GDAP1: variants seen among roughly 807,000 people sequenced by gnomAD.
GDAP1 encodes the protein ganglioside-induced differentiation-associated protein 1.
GDAP1 carries 34 observed loss-of-function variants against 40.1 expected under a neutral mutation model. That is an observed-to-expected ratio of 0.85 (90% CI 0.64 to 1.13). The LOEUF is 1.13. Ranked by LOEUF, GDAP1 falls within the 50% of genes most tolerant of loss-of-function variation. The pLI, the probability that GDAP1 is intolerant of heterozygous loss-of-function variation, is 0.00. For missense variants in GDAP1, 374 were observed against 433.7 expected (o/e 0.86, Z 1.22); for synonymous variants, 170 against 157.4 (o/e 1.08, Z -0.60).
At chr8:74,488,239 A>C (rs1458373029) in intron 2 of GDAP1, among the ~76,000 whole-genome samples, 1 of 152,154 alleles carries the variant, frequency 6.6e-6, no homozygotes, top group Non-Finnish European at 1.5e-5. Context: ...TAACAATCAG[A>C]ATATATTTTA....
intron 2 of GDAP1, among the ~76,000 whole-genome samples, chr8:74,372,339 A>G (rs955472701): frequency 1.3e-5 from 2 of 152,196 alleles, no homozygotes; most frequent in African/African-American, 4.8e-5. Flanking sequence ...TTGAGGAATC[A>G]CCACACTGTC....
intron 2 of GDAP1, among the ~76,000 whole-genome samples, chr8:74,389,036 A>G (rs1810068715): frequency 6.6e-6 from 1 of 152,004 alleles, no homozygotes; most frequent in Admixed American, 6.6e-5. Context: ...TGCTTGGTAA[A>G]TATTCCTCCA....
intron 2 of GDAP1, among the ~76,000 whole-genome samples, chr8:74,441,853 A>G (rs1430472367): frequency 1.3e-5 from 2 of 152,140 alleles, no homozygotes; most frequent in Non-Finnish European, 2.9e-5. Flanking sequence ...GAAAGTAACA[A>G]TCTTTCATTT....
At chr8:74,449,350 G>A (rs1806269766) in intron 2 of GDAP1, among the ~76,000 whole-genome samples, 1 of 151,646 alleles carries the variant, frequency 6.6e-6, no homozygotes, top group African/African-American at 2.4e-5. Context: ...AATTCTCATT[G>A]TCAGTTTATA....
At chr8:74,403,851 A>C (rs1428103138) in intron 2 of GDAP1, among the ~76,000 whole-genome samples, 1 of 150,180 alleles carries the variant, frequency 6.7e-6, no homozygotes, top group African/African-American at 2.5e-5. Context: ...TCAATACTCA[A>C]ACTAAGTTGG....
At chr8:74,436,903 C>T (rs574799575) in intron 2 of GDAP1, among the ~76,000 whole-genome samples, 7 of 152,200 alleles carry the variant, frequency 4.6e-5, no homozygotes, top group East Asian at 1.9e-4. Context: ...AAGGATTACC[C>T]GGATATCCCT....
At chr8:74,367,742 G>C (rs1345074227), downstream of GDAP1, among the ~76,000 whole-genome samples, 1 of 152,226 alleles carries the variant, frequency 6.6e-6, no homozygotes, top group Admixed American at 6.5e-5. Flanking sequence ...GTAATTTCTA[G>C]TGTGAGGATA....
chr8:74,417,749 C>T (rs1209989014), intron 2 of GDAP1, among the ~76,000 whole-genome samples: 4 of 77,258 alleles, frequency 5.2e-5, no homozygotes, highest in Non-Finnish European at 9.0e-5. Context: ...AAGAGTGAAA[C>T]TCCATCTCAA....
intron 2 of GDAP1, among the ~76,000 whole-genome samples, chr8:74,477,924 T>A (rs1363060231): frequency 6.6e-6 from 1 of 152,194 alleles, no homozygotes; most frequent in Non-Finnish European, 1.5e-5. Context: ...CACCAGCTAC[T>A]GGGTGTCCGT....
chr8:74,380,245 G>A (rs1190907929), intron 2 of GDAP1, among the ~76,000 whole-genome samples: 1 of 152,168 alleles, frequency 6.6e-6, no homozygotes, highest in African/African-American at 2.4e-5. Context: ...GATGAATATT[G>A]TGTGAGATTC....
intron 2 of GDAP1, among the ~76,000 whole-genome samples, chr8:74,414,802 G>C (rs1805758389): frequency 6.7e-6 from 1 of 149,904 alleles, no homozygotes; most frequent in African/African-American, 2.5e-5. Context: ...CCCAAATTTA[G>C]TGAAACACAA....
At chr8:74,438,861 CA>C (rs1415951759) in intron 2 of GDAP1, among the ~76,000 whole-genome samples, 1 of 152,150 alleles carries the variant, frequency 6.6e-6, no homozygotes, top group Non-Finnish European at 1.5e-5. Context: ...CTCAGCTTCC[CA>C]AAGTGTTAAG....
intron 2 of GDAP1, among the ~76,000 whole-genome samples, chr8:74,434,733 G>T (rs963498342): frequency 1.3e-5 from 2 of 152,100 alleles, no homozygotes; most frequent in South Asian, 2.1e-4. Flanking sequence ...CCCTAGTTCT[G>T]TAAGGAATTA....
At chr8:74,382,148 G>C (rs1809964131) in intron 2 of GDAP1, among the ~76,000 whole-genome samples, 1 of 151,988 alleles carries the variant, frequency 6.6e-6, no homozygotes, top group Non-Finnish European at 1.5e-5. Flanking sequence ...TTATTTTATG[G>C]ATGCGCAAAT....
chr8:74,478,805 G>A (rs950875908), intron 2 of GDAP1, among the ~76,000 whole-genome samples: 1 of 152,164 alleles, frequency 6.6e-6, no homozygotes, highest in East Asian at 1.9e-4. Flanking sequence ...TGGTGGCTAA[G>A]GGGTCTCCTC....
At chr8:74,398,637 G>A (rs953871621) in intron 2 of GDAP1, among the ~76,000 whole-genome samples, 3 of 152,190 alleles carry the variant, frequency 2.0e-5, no homozygotes, top group African/African-American at 7.2e-5. Context: ...CATTTTCAAA[G>A]GGAGTGCTTC....
In GDAP1 at chr8:74,364,775, TG is replaced by T. The variant is rs1317436333; in HGVS notation, c.*412del. ...TCTTAGGAGAGGACTAGGGAATCAC[TG>T]GGGATAGTGGGCTGGAGAGAACCCC... On this transcript the variant is annotated 3_prime_UTR_variant, in exon 6 of 6. Coordinates refer to ENST00000220822, the MANE Select transcript of GDAP1 (RefSeq NM_018972.4). The T allele has an allele frequency of 2.0e-5, 9 of 457,742 alleles. No homozygotes were observed. The highest frequency in any genetic ancestry group is 3.9e-5 in the Non-Finnish European group (9 of 229,428). 28.4% of individuals were successfully genotyped at this position (457,742 alleles called of 1,614,324 possible).
At chr8:74,377,404 G>A (rs1380464969) in intron 2 of GDAP1, among the ~76,000 whole-genome samples, 5 of 152,130 alleles carry the variant, frequency 3.3e-5, no homozygotes, top group African/African-American at 1.2e-4. Flanking sequence ...GCTTCACAAA[G>A]AGGATATGTG....
intron 2 of GDAP1, among the ~76,000 whole-genome samples, chr8:74,449,071 A>G (rs1245038359): frequency 6.6e-6 from 1 of 151,854 alleles, no homozygotes; most frequent in Non-Finnish European, 1.5e-5. Context: ...CTATGTATTT[A>G]TCTGGGTCTT....
Sources: allele counts gnomAD v4.1 joint callset (sites outside exome capture counted in the v4.1 genomes callset), GRCh38; gene constraint gnomAD v4.1.1; transcripts MANE v1.5; gene names NCBI Gene and HGNC (gene_info 2026-07-23, HGNC 2026-07-21).